Variants in PTPRK observed in about 807,000 individuals in gnomAD.
The protein encoded by PTPRK is protein tyrosine phosphatase receptor type K.
In PTPRK, 75 loss-of-function variants were observed where a neutral mutation model predicts 178.0. The observed-to-expected ratio is 0.42, with a 90% CI of 0.35 to 0.51. The LOEUF (loss-of-function observed/expected upper bound fraction) is 0.51, where lower values mean the gene tolerates loss of function less well. Ranked by LOEUF, PTPRK falls within the 20% of genes least tolerant of loss-of-function variation. PTPRK has a pLI of 0.02. For synonymous variants in PTPRK, 637 were observed against 620.6 expected (o/e 1.03, Z -0.39); for missense variants, 1,441 against 1,797.8 (o/e 0.80, Z 3.59).
At chr6:128,356,546 C>G (rs1833989859) in intron 2 of PTPRK, among the ~76,000 whole-genome samples, 1 of 152,188 alleles carries the variant, frequency 6.6e-6, no homozygotes, top group African/African-American at 2.4e-5. Flanking sequence ...ATGCCCTTCA[C>G]GAAACAACTA....
rs764014949 is a variant in PTPRK at position 127,996,941 on chromosome 6, A to G, written c.2727T>C (p.Asp909=). Reference sequence around the variant, plus strand: ...CATATCGGTTTTTTGCTCTATTTTGATCTTTTTTAGCTACATCCCAAGATG... The same window carrying G: ...CATATCGGTTTTTTGCTCTATTTTGGTCTTTTTTAGCTACATCCCAAGATG... ...QSASWDVAKK[D]QNRAKNRYGN... is the part of the protein sequence containing the mutation. The change falls in exon 17 of 30, where the codon GAT becomes GAC. Residue 909 remains aspartate (D), a synonymous_variant. Coordinates refer to ENST00000368226, the MANE Select transcript of PTPRK (RefSeq NM_002844.4). 3.7e-6 allele frequency: 6 copies of G among 1,611,906 alleles called. No homozygotes were observed. Among genetic ancestry groups the G allele is most frequent in the Non-Finnish European group, 5.1e-6 (6 of 1,178,872 alleles).
intron 13 of PTPRK, among the ~76,000 whole-genome samples, chr6:128,041,682 A>C (rs1242515674): frequency 6.6e-6 from 1 of 151,876 alleles, no homozygotes; most frequent in East Asian, 1.9e-4. Context: ...TTCATAATCA[A>C]AGTGAAGTTT....
intron 13 of PTPRK, among the ~76,000 whole-genome samples, chr6:128,047,584 G>C (rs181930475): frequency 6.6e-6 from 1 of 152,082 alleles, no homozygotes; most frequent in South Asian, 2.1e-4. Context: ...GGCAGTCAAA[G>C]TGTTTTCTGG....
chr6:128,480,540 C>A (rs1191379044), intron 1 of PTPRK, among the ~76,000 whole-genome samples: 1 of 152,172 alleles, frequency 6.6e-6, no homozygotes, highest in Admixed American at 6.6e-5. Context: ...CCTTATTCCT[C>A]ACATATGAAT....
chr6:128,452,930 T>C (rs2128407423), intron 1 of PTPRK, among the ~76,000 whole-genome samples: 1 of 152,108 alleles, frequency 6.6e-6, no homozygotes, highest in East Asian at 1.9e-4. Flanking sequence ...AAGATCTACA[T>C]AGTCAGAGGA....
intron 2 of PTPRK, among the ~76,000 whole-genome samples, chr6:128,377,030 T>C (rs151089781): frequency 5.4e-4 from 82 of 152,304 alleles, no homozygotes; most frequent in African/African-American, 1.9e-3. Flanking sequence ...CACTTTCCCA[T>C]ATTTTCCTGT....
At chr6:128,137,050 G>C (rs1317090994) in intron 7 of PTPRK, among the ~76,000 whole-genome samples, 1 of 152,070 alleles carries the variant, frequency 6.6e-6, no homozygotes, top group Non-Finnish European at 1.5e-5. Flanking sequence ...TTGCTTGTAG[G>C]GTTCCACTTG....
intron 6 of PTPRK, among the ~76,000 whole-genome samples, chr6:128,206,449 T>C (rs1806986525): frequency 6.7e-6 from 1 of 149,374 alleles, no homozygotes; most frequent in South Asian, 2.1e-4. Flanking sequence ...ACACTGTTCC[T>C]AAGCCATTCA....
intron 2 of PTPRK, among the ~76,000 whole-genome samples, chr6:128,326,814 A>C (rs1829641913): frequency 2.0e-5 from 3 of 152,166 alleles, no homozygotes; most frequent in African/African-American, 7.2e-5. Flanking sequence ...TTCTATAATG[A>C]ATAGGCATTA....
At chr6:128,403,039 T>C (rs1054818354) in intron 1 of PTPRK, among the ~76,000 whole-genome samples, 1 of 152,288 alleles carries the variant, frequency 6.6e-6, no homozygotes, top group African/African-American at 2.4e-5. Context: ...TCCAAACCCA[T>C]TATTTATTGA....
At chr6:127,995,384 C>T in intron 18 of PTPRK, 78 bp downstream of exon 18, 2 of 1,496,184 alleles carry the variant, frequency 1.3e-6, no homozygotes, top group East Asian at 2.3e-5. Context: ...AGCTAGCAAT[C>T]ACTTTATAGG....
chr6:128,382,673 C>T (rs1838115161), intron 2 of PTPRK, among the ~76,000 whole-genome samples: 1 of 152,054 alleles, frequency 6.6e-6, no homozygotes, highest in Admixed American at 6.6e-5. Flanking sequence ...CTCCTAGCCT[C>T]AAGTGATCCT....
intron 3 of PTPRK, among the ~76,000 whole-genome samples, chr6:128,245,875 C>T (rs1223874048): frequency 6.6e-6 from 1 of 152,004 alleles, no homozygotes; most frequent in Non-Finnish European, 1.5e-5. Flanking sequence ...TGAAAAAAAC[C>T]CTGTATTATA....
intron 2 of PTPRK, among the ~76,000 whole-genome samples, chr6:128,375,998 A>C (rs1316432692): frequency 3.9e-5 from 6 of 152,156 alleles, no homozygotes; most frequent in Admixed American, 3.3e-4. Context: ...TACATGCTAT[A>C]GCCCCTCTCC....
chr6:128,012,361 A>T (rs576470617), intron 13 of PTPRK, among the ~76,000 whole-genome samples: 1 of 151,368 alleles, frequency 6.6e-6, no homozygotes, highest in Non-Finnish European at 1.5e-5. Flanking sequence ...TACAAGCAGT[A>T]GCCCCTAAGT....
chr6:128,316,898 G>A (rs1384056611), intron 3 of PTPRK, among the ~76,000 whole-genome samples: 3 of 151,602 alleles, frequency 2.0e-5, no homozygotes, highest in African/African-American at 7.3e-5. Context: ...AGGATTCTAA[G>A]TTTCAAGAAA....
intron 1 of PTPRK, among the ~76,000 whole-genome samples, chr6:128,484,781 T>G (rs533569040): frequency 1.3e-5 from 2 of 152,324 alleles, no homozygotes; most frequent in South Asian, 4.1e-4. Context: ...CTGCTAATAG[T>G]GTCCTTGAAA....
chr6:128,331,570 G>A (rs1224372599), intron 2 of PTPRK, among the ~76,000 whole-genome samples: 3 of 151,838 alleles, frequency 2.0e-5, no homozygotes, highest in South Asian at 2.1e-4. Flanking sequence ...TTGGTTAGAC[G>A]GACATCAGTG....
chr6:128,485,537 C>T (rs1337493287), intron 1 of PTPRK, among the ~76,000 whole-genome samples: 2 of 152,116 alleles, frequency 1.3e-5, no homozygotes, highest in Non-Finnish European at 2.9e-5. Context: ...CATGAAGAGA[C>T]ACAGAGATAA....
Sources: allele counts gnomAD v4.1 joint callset (sites outside exome capture counted in the v4.1 genomes callset), GRCh38; gene constraint gnomAD v4.1.1; transcripts MANE v1.5; gene names NCBI Gene and HGNC (gene_info 2026-07-23, HGNC 2026-07-21).